The following STRA6 variants were observed in gnomAD, a reference collection of about 807,000 sequenced individuals.
STRA6 encodes the protein signaling receptor and transporter of retinol STRA6, also known as receptor for retinol uptake STRA6.
STRA6 carries 48 observed loss-of-function variants against 83.6 expected under a neutral mutation model. The observed-to-expected ratio is 0.57, with a 90% confidence interval of 0.46 to 0.73. STRA6 has a LOEUF of 0.73. Among genes scored for constraint, STRA6 ranks in the 30% least tolerant of loss-of-function variants. The probability of loss-of-function intolerance (pLI) is 0.00; values close to 1 mark genes in which losing one functional copy is unlikely to be tolerated. For missense variants in STRA6, 760 were observed against 838.8 expected (o/e 0.91, Z 1.16); for synonymous variants, 353 against 362.3 (o/e 0.97, Z 0.29).
At chr15:74,185,101 G>A (rs753675143) in intron 12 of STRA6, 46 bp from the exon 13 acceptor site, 2 of 1,591,416 alleles carry the variant, frequency 1.3e-6, no homozygotes, top group Non-Finnish European at 1.7e-6. Flanking sequence ...GGTCTGGAGA[G>A]TCTCCTGGAG....
intron 9 of STRA6, 69 bp from the exon 10 acceptor site, chr15:74,191,312 G>C: frequency 3.1e-6 from 5 of 1,610,526 alleles, no homozygotes; most frequent in Non-Finnish European, 4.2e-6. Context: ...AGCCCCAGAG[G>C]CTGGTCATTC....
chr15:74,208,165 G>A (rs1439231749), intron 1 of STRA6: 1 of 645,980 alleles, frequency 1.5e-6, no homozygotes, highest in Non-Finnish European at 2.0e-6. Flanking sequence ...AGAGGGCTAG[G>A]CTAGTACTGA....
chr15:74,187,280 C>G (rs2073301280), intron 12 of STRA6, among the ~76,000 whole-genome samples: 1 of 152,234 alleles, frequency 6.6e-6, no homozygotes, highest in Non-Finnish European at 1.5e-5. Flanking sequence ...CAAACCCCAG[C>G]ACTCACACAA....
In STRA6 at chr15:74,194,014, C is replaced by A. The variant is rs558244993; in HGVS notation, c.598-92G>T. 47 of 1,574,410 alleles carry A rather than the reference C, an allele frequency of 3.0e-5. No homozygotes were observed. The South Asian group carries it at 4.8e-4, about 16-fold the overall frequency. On this transcript the variant is annotated intron_variant, in intron 7 of 18. Transcript: ENST00000395105. ...TTGCCCTTCCCACCTCACACTGGGC[C>A]CTGAGGGTGGTCTGGGGGGCCATGG...
intron 5 of STRA6, 54 bp downstream of exon 5, chr15:74,195,954 C>G: frequency 1.9e-6 from 3 of 1,609,826 alleles, no homozygotes; most frequent in Admixed American, 1.7e-5. Flanking sequence ...CTCCGAGACC[C>G]CACCCTACCC....
At position 74,180,226 on chromosome 15, in the gene STRA6, T is replaced by C. The variant is rs889224038; in HGVS notation, c.1858A>G (p.Thr620Ala). 1 of 1,614,112 alleles carries C rather than the reference T, an allele frequency of 6.2e-7. No individual in the cohort carries two copies. The highest frequency in any genetic ancestry group is 8.5e-7 in the Non-Finnish European group (1 of 1,180,022). ...EEDEGMQLLQ[T>A]KDSMAKGARP... is the part of the protein sequence containing the mutation. Reference sequence around the variant, plus strand: ...GCTCCCTTGGCCATGGAGTCCTTTGTCTGTAGCAGCTGCATCCCTGAGAGA... The same window carrying C: ...GCTCCCTTGGCCATGGAGTCCTTTGCCTGTAGCAGCTGCATCCCTGAGAGA... Residue 620 changes from threonine (T) to alanine (A), a missense_variant, in exon 19 of 19, where the codon ACA becomes GCA. Physicochemically the swap from Thr to Ala is moderately conservative, Grantham distance 58. Coordinates refer to ENST00000395105, the MANE Select transcript of STRA6 (RefSeq NM_022369.4).
intron 7 of STRA6, 94 bp from the exon 8 acceptor site, chr15:74,194,016 T>G: frequency 1.9e-6 from 3 of 1,561,206 alleles, no homozygotes; most frequent in African/African-American, 1.4e-5. Context: ...CACTGGGCCC[T>G]GAGGGTGGTC....
upstream of STRA6, among the ~76,000 whole-genome samples, chr15:74,206,677 A>G (rs939170305): frequency 2.6e-5 from 4 of 152,186 alleles, no homozygotes; most frequent in Non-Finnish European, 4.4e-5. Context: ...GCAGTCTTGC[A>G]GGCTCCCTGG....
chr15:74,202,601 G>T lies in STRA6; in HGVS notation c.-16+112C>A, dbSNP rs529887323. ...CATCTGTCTGACCAACCACCAGCAG[G>T]CGTGTGTTCAAAGGACCATTTTCAA... is the stretch of plus-strand genomic sequence containing the variant. On this transcript the variant is annotated intron_variant, in intron 1 of 18. Transcript: ENST00000395105. 5.4e-3 allele frequency: 7,810 copies of T among 1,455,790 alleles called. 30 individuals carry two copies. The highest frequency in any genetic ancestry group is 5.7e-3 in the Non-Finnish European group (6,295 of 1,112,512). The allele number at this position is 1,455,790 out of a possible 1,614,324, so 90.2% of individuals were successfully genotyped here. A position where few individuals can be genotyped will look rare whatever the true frequency, so the allele number is the denominator to read the frequency against.
At chr15:74,181,232 C>T (rs952585823) in intron 17 of STRA6, 63 bp downstream of exon 17, 22 of 1,598,870 alleles carry the variant, frequency 1.4e-5, no homozygotes, top group Non-Finnish European at 1.8e-5. Flanking sequence ...TGGGGCAGGG[C>T]AGATGCCTTC....
At chr15:74,207,553 C>T (rs2142111914), upstream of STRA6, 3 of 755,126 alleles carry the variant, frequency 4.0e-6, no homozygotes, top group Non-Finnish European at 6.5e-6. Flanking sequence ...TCCACCCTCC[C>T]ATCTCAGCCC....
At chr15:74,202,461 G>A (rs1239159915) in intron 1 of STRA6, 179 bp from the exon 2 acceptor site, 2 of 1,536,140 alleles carry the variant, frequency 1.3e-6, no homozygotes, top group Admixed American at 2.0e-5. Flanking sequence ...GAGGGCCTGA[G>A]CAAGCTGGCA....
upstream of STRA6, among the ~76,000 whole-genome samples, chr15:74,206,368 C>T (rs924113086): frequency 6.6e-6 from 1 of 152,150 alleles, no homozygotes; most frequent in African/African-American, 2.4e-5. Context: ...GGGCTAGAAT[C>T]GCTTGGAGCT....
chr15:74,195,244 G>A, intron 7 of STRA6, 58 bp downstream of exon 7: 2 of 1,595,250 alleles, frequency 1.3e-6, no homozygotes, highest in Non-Finnish European at 8.5e-7. Context: ...AGGCACTGTG[G>A]TTTGAGTAGG....
chr15:74,187,714 T>A (rs1314781674), intron 12 of STRA6, among the ~76,000 whole-genome samples: 1 of 152,270 alleles, frequency 6.6e-6, no homozygotes, highest in East Asian at 1.9e-4. Context: ...GTATTCCTCA[T>A]CTGCAAATTT....
intron 8 of STRA6, chr15:74,191,890 A>G (rs946366743): frequency 5.7e-6 from 2 of 348,626 alleles, no homozygotes; most frequent in African/African-American, 4.2e-5. Context: ...AGGACACAGA[A>G]GAGGGTCATT....
chr15:74,202,906 C>T (rs1043390593), upstream of STRA6: 28 of 991,840 alleles, frequency 2.8e-5, no homozygotes, highest in South Asian at 4.7e-5. Context: ...AAGCCCCCCT[C>T]CTGGGGGAGG....
chr15:74,208,532 CA>C (rs1400016578), intron 1 of STRA6, among the ~76,000 whole-genome samples: 1 of 152,166 alleles, frequency 6.6e-6, no homozygotes, highest in African/African-American at 2.4e-5. Flanking sequence ...ACCTTTTGCC[CA>C]CAGCCAGTCA....
At position 74,197,366 on chromosome 15, in the gene STRA6, A is replaced by T; in HGVS notation, c.238T>A (p.Cys80Ser). The change falls in exon 4 of 19, where the codon TGT becomes AGT. Residue 80 changes from cysteine (C) to serine (S), a missense_variant. Cys to Ser is a moderately radical substitution (Grantham distance 112). Coordinates refer to ENST00000395105, the MANE Select transcript of STRA6 (RefSeq NM_022369.4). Reference sequence around the variant, plus strand: ...GGCAGGCCGGGCCTGCCACGCACACAGTCAGGCCAGAGCTGGCGGCGCCTC... The same window carrying T: ...GGCAGGCCGGGCCTGCCACGCACACTGTCAGGCCAGAGCTGGCGGCGCCTC... ...LVRRRQLWPDCVRGRPGLPSP... is the reference protein window; with the variant it reads ...LVRRRQLWPDSVRGRPGLPSP... 2 of 1,550,352 alleles carry T rather than the reference A, an allele frequency of 1.3e-6. No individual in the cohort carries two copies. The highest frequency in any genetic ancestry group is 1.7e-6 in the Non-Finnish European group (2 of 1,146,830).
Sources: allele counts gnomAD v4.1 joint callset (sites outside exome capture counted in the v4.1 genomes callset), GRCh38; gene constraint gnomAD v4.1.1; transcripts MANE v1.5; gene names NCBI Gene and HGNC (gene_info 2026-07-23, HGNC 2026-07-21).